XPO7: variants seen among roughly 807,000 people sequenced by gnomAD.
XPO7 encodes the protein exportin-7.
A neutral mutation model predicts 144.3 loss-of-function variants in XPO7; 21 were observed. That is an observed-to-expected ratio of 0.15 (90% CI 0.10 to 0.21). XPO7 has a LOEUF of 0.21. Among genes scored for constraint, XPO7 ranks in the 10% least tolerant of loss-of-function variants. XPO7 has a pLI of 1.00. For synonymous variants in XPO7, 580 were observed against 499.6 expected (o/e 1.16, Z -2.15); for missense variants, 808 against 1,325.8 (o/e 0.61, Z 6.06).
At position 21,984,745 on chromosome 8, in the gene XPO7, A is replaced by G. The variant is rs377537816; in HGVS notation, c.1377A>G (p.Ala459=). The change falls in exon 12 of 28, where the codon GCA becomes GCG. Residue 459 remains alanine (A), a synonymous_variant. Coordinates refer to ENST00000252512, the MANE Select transcript of XPO7 (RefSeq NM_015024.5). ...IGRCEYEKTC[A]LLVQLFDQSA... is the part of the protein sequence containing the mutation. The stretch of plus-strand genomic sequence containing the variant: ...GTTGTGAATATGAGAAGACGTGTGC[A>G]CTCCTCGTGCAGTTGTTTGACCAGT... The G allele has an allele frequency of 1.5e-5, 24 of 1,613,730 alleles. No individual in the cohort carries two copies. The African/African-American group carries it at 2.3e-4, about 15-fold the overall frequency.
intron 1 of XPO7, among the ~76,000 whole-genome samples, chr8:21,958,961 CAAAAAA>C (rs34867010): frequency 1.6e-5 from 2 of 123,096 alleles, no homozygotes. Context: ...ACTCTGTCTC[CAAAAAA>C]AAAAAAAAAA....
chr8:21,950,154 C>T (rs773867222), intron 1 of XPO7, among the ~76,000 whole-genome samples: 4 of 152,196 alleles, frequency 2.6e-5, no homozygotes, highest in Admixed American at 6.5e-5. Flanking sequence ...AAACATTTAA[C>T]GTATTGTAGT....
intron 1 of XPO7, among the ~76,000 whole-genome samples, chr8:21,931,439 C>G (rs888882906): frequency 1.3e-5 from 2 of 152,206 alleles, no homozygotes; most frequent in African/African-American, 4.8e-5. Flanking sequence ...GCCACCGTAC[C>G]TGGCCCATGC....
At chr8:21,927,172 G>C (rs896779116) in intron 1 of XPO7, among the ~76,000 whole-genome samples, 1 of 151,844 alleles carries the variant, frequency 6.6e-6, no homozygotes, top group Non-Finnish European at 1.5e-5. Flanking sequence ...GGATCACTTG[G>C]GTACAGGAGT....
At chr8:22,004,732 C>G (rs773274625) in intron 27 of XPO7, among the ~76,000 whole-genome samples, 3 of 151,870 alleles carry the variant, frequency 2.0e-5, no homozygotes, top group Non-Finnish European at 2.9e-5. Flanking sequence ...ACTGCCCTCA[C>G]GTGTGAGGGC....
chr8:21,998,957 G>C, intron 22 of XPO7, 120 bp downstream of exon 22: 1 of 1,414,482 alleles, frequency 7.1e-7, no homozygotes, highest in Non-Finnish European at 9.9e-7. Context: ...CGTATTGTAT[G>C]CTAATACATG....
At chr8:21,958,921 A>G (rs1374447923) in intron 1 of XPO7, among the ~76,000 whole-genome samples, 1 of 149,446 alleles carries the variant, frequency 6.7e-6, no homozygotes, top group African/African-American at 2.5e-5. Flanking sequence ...AGTTCGCGCC[A>G]CTACACTCCA....
chr8:21,932,868 G>A (rs1443709314), intron 1 of XPO7, among the ~76,000 whole-genome samples: 2 of 152,134 alleles, frequency 1.3e-5, no homozygotes, highest in Admixed American at 6.5e-5. Context: ...CAGAATGGGA[G>A]CATTCAAGGA....
chr8:21,992,828 A>G (rs1185641428), intron 19 of XPO7, among the ~76,000 whole-genome samples: 1 of 152,126 alleles, frequency 6.6e-6, no homozygotes, highest in Non-Finnish European at 1.5e-5. Context: ...CTTGACCTGT[A>G]TAGATCTGTG....
rs370818455 is a variant in XPO7 at position 21,939,592 on chromosome 8, G to A, written c.18+19804G>A. On this transcript the variant is annotated intron_variant, in intron 1 of 27. Transcript: ENST00000252512. ...CAAGTAATGACTTTTTTATGCCAAC[G>A]TTAATTGAGTCAGATTCTTGTAGAA... is the stretch of plus-strand genomic sequence containing the variant. 5.3e-5 allele frequency among the ~76,000 whole-genome samples: 8 copies of A among 152,288 alleles called. 1 individual carries two copies. Among genetic ancestry groups the A allele is most frequent in the South Asian group, 4.1e-4 (2 of 4,826 alleles).
intron 18 of XPO7, among the ~76,000 whole-genome samples, 170 bp downstream of exon 18, chr8:21,991,089 C>T (rs541259732): frequency 6.6e-6 from 1 of 152,164 alleles, no homozygotes; most frequent in East Asian, 1.9e-4. Context: ...CTGTCGAGGT[C>T]CTTATAACTG....
intron 13 of XPO7, 58 bp downstream of exon 13, chr8:21,985,749 G>A (rs1367157497): frequency 3.1e-5 from 45 of 1,444,274 alleles, no homozygotes; most frequent in Non-Finnish European, 1.8e-5. Flanking sequence ...TCCACTCCCC[G>A]ATAGGGTCCT....
rs1207866335 is a variant in XPO7 at position 21,950,506 on chromosome 8, T to C, written c.19-16351T>C. ...TGACATGTTTAGGTTGCATCATGTC[T>C]GTTTTGGGGAACATTAGTGGTGTTT... On this transcript the variant is annotated intron_variant, in intron 1 of 27. Coordinates refer to ENST00000252512, the MANE Select transcript of XPO7 (RefSeq NM_015024.5). Among the ~76,000 whole-genome samples the C allele has an allele frequency of 2.0e-5, 3 of 152,250 alleles. No individual in the cohort carries two copies. The East Asian group carries it at 5.8e-4, about 29-fold the overall frequency.
intron 4 of XPO7, among the ~76,000 whole-genome samples, chr8:21,970,630 A>G (rs569042468): frequency 2.1e-4 from 32 of 152,326 alleles, no homozygotes; most frequent in African/African-American, 7.5e-4. Context: ...TACTTCAGTG[A>G]ATAGCCCAGT....
rs144863811 is a variant in XPO7, at chr8:21,988,223, G to C, written c.1787+366G>C. On this transcript the variant is annotated intron_variant, in intron 15 of 27. Transcript: ENST00000252512. ...CCAGCATAGGCATTCACTTTCTGTT[G>C]CTGATTTCCTCTCGTTATCCCCTCG... is the stretch of plus-strand genomic sequence containing the variant. 81 of 203,292 alleles carry C rather than the reference G, an allele frequency of 4.0e-4. No individual in the cohort carries two copies. The East Asian group carries it at 0.01, about 26-fold the overall frequency. 12.6% of individuals were successfully genotyped at this position (203,292 alleles called of 1,614,324 possible).
chr8:21,999,376 T>C lies in XPO7; in HGVS notation c.2643+71T>C, dbSNP rs547470467. 114 of 1,592,868 alleles carry C rather than the reference T, an allele frequency of 7.2e-5. 1 individual carries two copies. Among genetic ancestry groups the C allele is most frequent in the East Asian group, 2.2e-5 (1 of 44,674 alleles). Reference sequence around the variant, plus strand: ...CAGCCTTTTTCACCTGAGACCAAGATTGAACACTGCTCTTGAGAAACTATG... The same window carrying C: ...CAGCCTTTTTCACCTGAGACCAAGACTGAACACTGCTCTTGAGAAACTATG... On this transcript the variant is annotated intron_variant, in intron 23 of 27. Transcript: ENST00000252512.
rs762265039 is a variant in XPO7, at chr8:21,977,825, T to G, written c.819T>G (p.Pro273=). The change falls in exon 8 of 28, where the codon CCT becomes CCG. Residue 273 remains proline (P), a synonymous_variant. Transcript: ENST00000252512. ...TTTTTGACCTGTATCATTCCATCCCTCCTTCATTTTCACCTCTGGTGAGTC... is the reference window on the plus strand; with the variant it reads ...TTTTTGACCTGTATCATTCCATCCCGCCTTCATTTTCACCTCTGGTGAGTC... ...QLFFDLYHSI[P]PSFSPLVLSC... is the part of the protein sequence containing the mutation. 1 of 1,613,820 alleles carries G rather than the reference T, an allele frequency of 6.2e-7. No individual in the cohort carries two copies. Among genetic ancestry groups the G allele is most frequent in the African/African-American group, 1.3e-5 (1 of 74,932 alleles).
intron 1 of XPO7, among the ~76,000 whole-genome samples, chr8:21,944,281 A>T (rs891475049): frequency 4.6e-5 from 7 of 152,182 alleles, no homozygotes; most frequent in Non-Finnish European, 8.8e-5. Flanking sequence ...CATCAAAAAT[A>T]AAAAATAAGG....
chr8:21,933,762 G>A (rs774250778), intron 1 of XPO7, among the ~76,000 whole-genome samples: 4 of 152,080 alleles, frequency 2.6e-5, no homozygotes, highest in Non-Finnish European at 5.9e-5. Context: ...GTGTGTCCAT[G>A]GTATTCAGAA....
Sources: gnomAD v4.1 joint callset for allele counts (sites outside exome capture counted in the v4.1 genomes callset) on GRCh38, gnomAD v4.1.1 for gene constraint, MANE v1.5 for transcripts, NCBI Gene and HGNC (gene_info 2026-07-23, HGNC 2026-07-21) for gene names.